Variants in TBCD observed in about 807,000 individuals in gnomAD.
The protein encoded by TBCD is tubulin-specific chaperone D.
In TBCD, 105 loss-of-function variants were observed where a neutral mutation model predicts 169.3. The observed-to-expected ratio is 0.62, with a 90% CI of 0.53 to 0.73. TBCD has a LOEUF of 0.73. TBCD is among the 30% of genes least tolerant of loss of function. TBCD has a pLI of 0.00. For synonymous variants in TBCD, 700 were observed against 643.9 expected (o/e 1.09, Z -1.32); for missense variants, 1,444 against 1,600.1 (o/e 0.90, Z 1.66).
intron 14 of TBCD, among the ~76,000 whole-genome samples, chr17:82,879,907 G>A (rs2058240504): frequency 6.6e-6 from 1 of 151,688 alleles, no homozygotes; most frequent in Non-Finnish European, 1.5e-5. Flanking sequence ...TTGGAGTGGT[G>A]TATTGTTGGA....
At chr17:82,766,151 A>C (rs2048006252) in intron 3 of TBCD, 116 bp from the exon 4 acceptor site, 5 of 790,658 alleles carry the variant, frequency 6.3e-6, no homozygotes, top group Non-Finnish European at 8.2e-6. Flanking sequence ...ATGTCACAGA[A>C]TTCTCTTTGA....
chr17:82,899,351 G>A (rs113107157), intron 17 of TBCD, among the ~76,000 whole-genome samples: 2 of 138,782 alleles, frequency 1.4e-5, no homozygotes, highest in East Asian at 2.3e-4. Context: ...TCCTCAGTGC[G>A]TGTCCGCAGT....
In TBCD at chr17:82,779,280, G is replaced by A. The variant is rs999913181; in HGVS notation, c.639-2309G>A. On this transcript the variant is annotated intron_variant, in intron 6 of 38. Coordinates refer to ENST00000355528, the MANE Select transcript of TBCD (RefSeq NM_005993.5). ...TGGCCTCCCAAAGTGCTGGGATTAC[G>A]GGCTTGAGCCACTGCGCCTGGCCAA... Among the ~76,000 whole-genome samples, 3 of 150,538 alleles carry A rather than the reference G, an allele frequency of 2.0e-5. No individual in the cohort carries two copies. The South Asian group carries it at 6.4e-4, about 32-fold the overall frequency.
At chr17:82,876,596 G>A (rs551387218) in intron 14 of TBCD, among the ~76,000 whole-genome samples, 3 of 152,318 alleles carry the variant, frequency 2.0e-5, no homozygotes, top group South Asian at 2.1e-4. Flanking sequence ...AAATAGAGCC[G>A]TTTTAATAAA....
intron 4 of TBCD, among the ~76,000 whole-genome samples, chr17:82,766,645 C>G (rs2048032169): frequency 6.6e-6 from 1 of 152,032 alleles, no homozygotes; most frequent in South Asian, 2.1e-4. Flanking sequence ...GTTTTTTTAA[C>G]TGTGTAAGTA....
At chr17:82,802,195 A>G (rs560761677) in intron 9 of TBCD, among the ~76,000 whole-genome samples, 1 of 149,444 alleles carries the variant, frequency 6.7e-6, no homozygotes, top group East Asian at 2.0e-4. Context: ...GCCGGTGTGA[A>G]CGGGTTGGTT....
At position 82,903,211 on chromosome 17, in the gene TBCD, C is replaced by T. The variant is rs569081503; in HGVS notation, c.1731-194C>T. Among the ~76,000 whole-genome samples, 49 of 152,298 alleles carry T rather than the reference C, an allele frequency of 3.2e-4. No individual in the cohort carries two copies. Among genetic ancestry groups the T allele is most frequent in the African/African-American group, 9.6e-4 (40 of 41,554 alleles). The stretch of plus-strand genomic sequence containing the variant: ...AGAACCGTGGTTAGCCGTGTGACCT[C>T]GCTGTTGTAGACTGTCCTTGTCGTC... On this transcript the variant is annotated intron_variant, in intron 18 of 38. Transcript: ENST00000355528. The surrounding 1 kb of genome is among the most constrained non-coding windows in gnomAD (Gnocchi z 4.8).
rs1306932219 is a variant in TBCD, at chr17:82,944,087, A to T, written c.*1624A>T. 2 of 152,282 alleles carry T rather than the reference A, an allele frequency of 1.3e-5. No homozygotes were observed. Among genetic ancestry groups the T allele is most frequent in the Non-Finnish European group, 2.9e-5 (2 of 68,050 alleles). 9.4% of individuals were successfully genotyped at this position (152,282 alleles called of 1,614,324 possible). A position where few individuals can be genotyped will look rare whatever the true frequency, so the allele number is the denominator to read the frequency against. On this transcript the variant is annotated 3_prime_UTR_variant, in exon 39 of 39. Coordinates refer to ENST00000355528, the MANE Select transcript of TBCD (RefSeq NM_005993.5). ...GGAACAAGTGGCTTCTGAGAAAAACATGATGAACTGTTCTTAGTGCAATTA... is the reference window on the plus strand; with the variant it reads ...GGAACAAGTGGCTTCTGAGAAAAACTTGATGAACTGTTCTTAGTGCAATTA...
intron 2 of TBCD, among the ~76,000 whole-genome samples, chr17:82,756,846 G>A (rs2047429077): frequency 6.6e-6 from 1 of 152,116 alleles, no homozygotes; most frequent in Admixed American, 6.5e-5. Context: ...ATGTTTTTCT[G>A]GTAATAGTCA....
chr17:82,872,687 G>A (rs780374722), intron 14 of TBCD, among the ~76,000 whole-genome samples: 36 of 152,364 alleles, frequency 2.4e-4, no homozygotes, highest in Non-Finnish European at 4.4e-4. Flanking sequence ...GTCACAGAAC[G>A]AGAAAACTTC....
intron 33 of TBCD, among the ~76,000 whole-genome samples, chr17:82,931,177 C>T (rs762131841): frequency 3.8e-4 from 58 of 152,334 alleles, no homozygotes; most frequent in African/African-American, 1.0e-3. Flanking sequence ...TGTGCGAGGA[C>T]GAGGACACGG....
chr17:82,830,813 C>G (rs1472455890), intron 13 of TBCD: 1 of 1,613,386 alleles, frequency 6.2e-7, no homozygotes, highest in African/African-American at 1.3e-5. Context: ...CTGGAAGGCG[C>G]GGCCTCCGAG....
rs1157095181 is a variant in TBCD, at chr17:82,915,889, G to T, written c.2038+4100G>T. Among the ~76,000 whole-genome samples the T allele has an allele frequency of 6.6e-6, 1 of 152,320 alleles. No homozygotes were observed. On this transcript the variant is annotated intron_variant, in intron 23 of 38. Coordinates refer to ENST00000355528, the MANE Select transcript of TBCD (RefSeq NM_005993.5). This position sits in a 1 kb window ranked among gnomAD's most constrained non-coding sequence, Gnocchi z 4.3. ...TGTTAATGGACTTCCTGCTGTGGGG[G>T]TGAGGGCTCCGTGCTCCATCTCTGA...
rs568887937 is a variant in TBCD, at chr17:82,784,367, C to T, written c.771+2646C>T. Among the ~76,000 whole-genome samples, 122 of 152,208 alleles carry T rather than the reference C, an allele frequency of 8.0e-4. 1 individual carries two copies. Among genetic ancestry groups the T allele is most frequent in the African/African-American group, 2.8e-3 (117 of 41,520 alleles). ...CTGTGTCCCCAGGTGCCCCTCGTTC[C>T]GGCCGTGCTGGGGCAGCATCCTCAA... On this transcript the variant is annotated intron_variant, in intron 7 of 38. Coordinates refer to ENST00000355528, the MANE Select transcript of TBCD (RefSeq NM_005993.5).
chr17:82,924,714 C>T (rs773675256), intron 26 of TBCD, among the ~76,000 whole-genome samples: 21 of 152,250 alleles, frequency 1.4e-4, no homozygotes, highest in Non-Finnish European at 2.2e-4. Context: ...GCTTGCACCA[C>T]GGCACTCCAG....
In TBCD at chr17:82,833,425, A is replaced by C. The variant is rs2053689619; in HGVS notation, c.1318+18491A>C. On this transcript the variant is annotated intron_variant, in intron 13 of 38. Transcript: ENST00000355528. This position sits in a 1 kb window ranked among gnomAD's most constrained non-coding sequence, Gnocchi z 4.7. Reference sequence around the variant, plus strand: ...GAAGAACATTCGAACACAAGACTCTACCCTACTGCTTCTAAAGTCAGCTTT... The same window carrying C: ...GAAGAACATTCGAACACAAGACTCTCCCCTACTGCTTCTAAAGTCAGCTTT... Among the ~76,000 whole-genome samples the C allele has an allele frequency of 6.6e-6, 1 of 152,120 alleles. No individual in the cohort carries two copies. Among genetic ancestry groups the C allele is most frequent in the South Asian group, 2.1e-4 (1 of 4,832 alleles).
chr17:82,845,414 TC>T lies in TBCD; in HGVS notation c.1319-24808del, dbSNP rs2054941991. Among the ~76,000 whole-genome samples the T allele has an allele frequency of 4.1e-5, 6 of 145,816 alleles. No individual in the cohort carries two copies. In the South Asian group the frequency reaches 1.3e-3, roughly 32 times the overall value. ...CTCCGTCCTGTCCAGCTTGGCCCCT[TC>T]CTCTCCATCTTGTCCGGCCCGGCCC... On this transcript the variant is annotated intron_variant, in intron 13 of 38. Transcript: ENST00000355528.
At chr17:82,795,558 T>C in intron 7 of TBCD, 1 of 985,664 alleles carries the variant, frequency 1.0e-6, no homozygotes, top group Non-Finnish European at 1.2e-6. Flanking sequence ...AATCTGGTCA[T>C]GTGGCCATGG....
chr17:82,783,601 C>T (rs1381069010), intron 7 of TBCD, among the ~76,000 whole-genome samples: 1 of 152,216 alleles, frequency 6.6e-6, no homozygotes, highest in Non-Finnish European at 1.5e-5. Flanking sequence ...CAGAGTCGTA[C>T]ACGACACAGC....
Sources: allele counts gnomAD v4.1 joint callset (sites outside exome capture counted in the v4.1 genomes callset), GRCh38; gene constraint gnomAD v4.1.1; non-coding constraint Gnocchi (gnomAD v3.1); transcripts MANE v1.5; gene names NCBI Gene and HGNC (gene_info 2026-07-23, HGNC 2026-07-21).